Variants in TFEC observed in about 807,000 individuals in gnomAD.
TFEC encodes class E basic helix-loop-helix protein 34.
Under a neutral mutation model 41.6 loss-of-function variants are expected in TFEC, and 31 were observed. The observed-to-expected ratio is 0.74, with a 90% CI of 0.56 to 1.01. TFEC has a LOEUF of 1.01. Ranked by LOEUF, TFEC falls within the 50% of genes least tolerant of loss-of-function variation. The pLI, the probability that TFEC is intolerant of heterozygous loss-of-function variation, is 0.00. For synonymous variants in TFEC, 143 were observed against 140.6 expected, an observed-to-expected ratio of 1.02 and a Z score of -0.12; for missense variants, 402 against 404.1, an observed-to-expected ratio of 0.99 and a Z score of 0.04.
At chr7:116,089,828 G>A (rs77788861) in intron 3 of TFEC, among the ~76,000 whole-genome samples, 109 of 152,198 alleles carry the variant, frequency 7.2e-4, no homozygotes, top group African/African-American at 2.6e-3. Context: ...GAATAAAAAC[G>A]TATGGAAATT....
At chr7:116,035,206 C>T (rs1043236833), upstream of TFEC, among the ~76,000 whole-genome samples, 2 of 151,908 alleles carry the variant, frequency 1.3e-5, no homozygotes, top group African/African-American at 4.8e-5. Flanking sequence ...TAAATTTTGA[C>T]TCCAAATTCT....
chr7:116,076,460 G>A (rs186078308), intron 3 of TFEC, among the ~76,000 whole-genome samples: 2 of 152,066 alleles, frequency 1.3e-5, no homozygotes, highest in Admixed American at 6.6e-5. Flanking sequence ...TCAGAAAGTC[G>A]ATTATTAGGC....
intron 3 of TFEC, among the ~76,000 whole-genome samples, chr7:116,037,569 G>A (rs750552441): frequency 3.3e-5 from 5 of 151,904 alleles, no homozygotes; most frequent in African/African-American, 1.2e-4. Flanking sequence ...TGAGAAATGC[G>A]GAAGAAATTA....
chr7:116,042,445 A>G (rs956338268), intron 3 of TFEC, among the ~76,000 whole-genome samples: 6 of 152,172 alleles, frequency 3.9e-5, no homozygotes, highest in Non-Finnish European at 7.3e-5. Flanking sequence ...AGAGTTGTTG[A>G]GCTAATGTTA....
chr7:116,080,976 A>AGTGTATGTATGTGTGTGTGTGTGTGTGT, intron 3 of TFEC, among the ~76,000 whole-genome samples: 1 of 138,016 alleles, frequency 7.2e-6, no homozygotes, highest in African/African-American at 2.7e-5. Flanking sequence ...AAGAAAATGT[A>AGTGTATGTATGTGTGTGTGTGTGTGTGT]GTGTGTGTGT....
intron 3 of TFEC, among the ~76,000 whole-genome samples, chr7:116,044,937 G>A (rs1374575926): frequency 6.6e-6 from 1 of 152,238 alleles, no homozygotes; most frequent in African/African-American, 2.4e-5. Context: ...CGTAAGGAAT[G>A]ATGTGGGGAA....
At chr7:116,023,624 A>G (rs996129583) in intron 1 of TFEC, among the ~76,000 whole-genome samples, 2 of 152,148 alleles carry the variant, frequency 1.3e-5, no homozygotes, top group African/African-American at 2.4e-5. Context: ...CAGCATGAAC[A>G]TCTCAAGAGA....
chr7:116,088,357 T>C (rs1017371143), intron 3 of TFEC, among the ~76,000 whole-genome samples: 2 of 152,144 alleles, frequency 1.3e-5, no homozygotes, highest in African/African-American at 4.8e-5. Context: ...AGGAACTGCC[T>C]TAATCACTGA....
chr7:116,004,286 AAAG>A (rs1794706504), intron 1 of TFEC, among the ~76,000 whole-genome samples: 1 of 152,184 alleles, frequency 6.6e-6, no homozygotes, highest in Admixed American at 6.5e-5. Flanking sequence ...ATCAAAAATA[AAAG>A]AATAAATATC....
chr7:116,004,918 G>A (rs545745475), intron 1 of TFEC, among the ~76,000 whole-genome samples: 20 of 152,206 alleles, frequency 1.3e-4, no homozygotes, highest in African/African-American at 4.8e-4. Context: ...GAATCATGGG[G>A]GCAGGTCTTT....
rs555605369 is a variant in TFEC at position 116,043,857 on chromosome 7, C to T, written c.199-59344G>A. Among the ~76,000 whole-genome samples, 8 of 152,210 alleles carry T rather than the reference C, an allele frequency of 5.3e-5. No homozygotes were observed. The East Asian group carries it at 1.5e-3, about 29-fold the overall frequency. Reference sequence around the variant, plus strand: ...TTCAGGTCATAAAATGATCCAAATGCTATTGAGCTCTTCAATTAGTGAGGT... The same window carrying T: ...TTCAGGTCATAAAATGATCCAAATGTTATTGAGCTCTTCAATTAGTGAGGT... On this transcript the variant is annotated intron_variant, in intron 3 of 8. Coordinates refer to the TFEC transcript ENST00000484212.
chr7:116,007,152 T>A (rs752653657), intron 1 of TFEC, among the ~76,000 whole-genome samples: 5 of 152,178 alleles, frequency 3.3e-5, no homozygotes, highest in Non-Finnish European at 7.3e-5. Flanking sequence ...ATCTTTTTTT[T>A]AGACAGGAAA....
intron 1 of TFEC, among the ~76,000 whole-genome samples, chr7:116,149,034 T>TA (rs960045692): frequency 6.6e-6 from 1 of 152,114 alleles, no homozygotes; most frequent in African/African-American, 2.4e-5. Flanking sequence ...TGTATCCAGT[T>TA]AAAATCTTTG....
intron 1 of TFEC, among the ~76,000 whole-genome samples, chr7:116,008,314 T>A (rs1480341813): frequency 2.6e-5 from 4 of 152,186 alleles, no homozygotes; most frequent in African/African-American, 9.7e-5. Context: ...TTATTCTAAG[T>A]AATTACCTGG....
chr7:115,937,665 A>G lies in TFEC; in HGVS notation c.*2886T>C, dbSNP rs1047910693. The G allele has an allele frequency of 5.3e-5, 8 of 151,778 alleles. No individual in the cohort carries two copies. The highest frequency in any genetic ancestry group is 1.4e-4 in the African/African-American group (6 of 41,418). 9.4% of individuals were successfully genotyped at this position (151,778 alleles called of 1,614,324 possible). ...TAGTGAATAATCTAAAGTTTGGTAC[A>G]CTATTACTTTCCTATGCAACCTCAT... On this transcript the variant is annotated 3_prime_UTR_variant, in exon 8 of 8. Transcript: ENST00000265440.
intron 3 of TFEC, among the ~76,000 whole-genome samples, chr7:116,048,812 G>A (rs1796236288): frequency 6.6e-6 from 1 of 152,222 alleles, no homozygotes; most frequent in Non-Finnish European, 1.5e-5. Context: ...CCAGAAGAGA[G>A]TGGGGGCCAA....
Position 116,060,946 on chromosome 7 carries a change from G to A in TFEC, c.198+49762C>T, listed in dbSNP as rs184961304. 7.9e-4 allele frequency among the ~76,000 whole-genome samples: 120 copies of A among 152,096 alleles called. 1 individual carries two copies. Among genetic ancestry groups the A allele is most frequent in the African/African-American group, 2.8e-3 (115 of 41,524 alleles). ...AAAATATTACAGTTAAAACTAAGAA[G>A]GCATTGCTAAAAAAAATTAAAGAAG... On this transcript the variant is annotated intron_variant, in intron 3 of 8. Coordinates refer to the TFEC transcript ENST00000484212.
chr7:115,975,903 G>A (rs1462416180), intron 2 of TFEC, among the ~76,000 whole-genome samples: 1 of 152,124 alleles, frequency 6.6e-6, no homozygotes, highest in East Asian at 1.9e-4. Flanking sequence ...GGCAAGAGCG[G>A]TTAGAGATGA....
At chr7:115,992,428 C>G (rs920795130) in intron 1 of TFEC, among the ~76,000 whole-genome samples, 11 of 151,694 alleles carry the variant, frequency 7.3e-5, no homozygotes, top group Admixed American at 7.2e-4. Flanking sequence ...GCTGGTGTTT[C>G]GAAAAGATCA....
Sources: allele counts gnomAD v4.1 joint callset (sites outside exome capture counted in the v4.1 genomes callset), GRCh38; gene constraint gnomAD v4.1.1; transcripts MANE v1.5; gene names NCBI Gene and HGNC (gene_info 2026-07-23, HGNC 2026-07-21).